VTI1A: variants seen among roughly 807,000 people sequenced by gnomAD.
VTI1A encodes the protein vesicle transport through interaction with t-SNAREs 1A, also known as vesicle transport through interaction with t-SNAREs homolog 1A.
Under a neutral mutation model 34.9 loss-of-function variants are expected in VTI1A, and 22 were observed. The observed-to-expected ratio is 0.63, with a 90% CI of 0.45 to 0.90. The LOEUF is 0.90. Among genes scored for constraint, VTI1A ranks in the 40% least tolerant of loss-of-function variants. The pLI, the probability that VTI1A is intolerant of heterozygous loss-of-function variation, is 0.00. For synonymous variants in VTI1A, 87 were observed against 97.3 expected, an observed-to-expected ratio of 0.89 and a Z score of 0.62; for missense variants, 268 against 275.6, an observed-to-expected ratio of 0.97 and a Z score of 0.20.
chr10:112,650,142 A>G (rs1846952942), intron 5 of VTI1A, among the ~76,000 whole-genome samples: 1 of 152,250 alleles, frequency 6.6e-6, no homozygotes, highest in Non-Finnish European at 1.5e-5. Flanking sequence ...AATAACGCTT[A>G]GCTTAAAACA....
intron 3 of VTI1A, among the ~76,000 whole-genome samples, chr10:112,482,182 AT>A (rs1227568323): frequency 3.9e-5 from 6 of 152,052 alleles, no homozygotes; most frequent in Non-Finnish European, 1.5e-5. Context: ...AATAATTGTT[AT>A]TTTCTCAGTT....
chr10:112,756,020 T>C (rs1049039768), intron 7 of VTI1A, among the ~76,000 whole-genome samples: 5 of 151,878 alleles, frequency 3.3e-5, no homozygotes, highest in African/African-American at 7.3e-5. Flanking sequence ...CTTTCAAAGA[T>C]ACCCATTTAG....
In VTI1A at chr10:112,447,296, C is replaced by A; in HGVS notation, c.-78C>A. 3 of 1,502,132 alleles carry A rather than the reference C, an allele frequency of 2.0e-6. No individual in the cohort carries two copies. Among genetic ancestry groups the A allele is most frequent in the Non-Finnish European group, 2.7e-6 (3 of 1,108,586 alleles). The allele number at this position is 1,502,132 out of a possible 1,614,324, so 93.1% of individuals were successfully genotyped here. A position where few individuals can be genotyped will look rare whatever the true frequency, so the allele number is the denominator to read the frequency against. ...GGGGGCACCTTCCGGGGTTCCTAAG[C>A]CGCGGGGCCCCTCGCTGCCCCTCGA... On this transcript the variant is annotated 5_prime_UTR_variant, in exon 1 of 8. Coordinates refer to ENST00000393077, the MANE Select transcript of VTI1A (RefSeq NM_145206.4).
intron 7 of VTI1A, among the ~76,000 whole-genome samples, chr10:112,782,159 C>T (rs1022745566): frequency 4.6e-5 from 7 of 152,264 alleles, no homozygotes; most frequent in African/African-American, 9.6e-5. Flanking sequence ...CCTAATTTTA[C>T]TCATCACTGT....
At chr10:112,556,896 C>A (rs1180799990) in intron 5 of VTI1A, among the ~76,000 whole-genome samples, 2 of 151,982 alleles carry the variant, frequency 1.3e-5, no homozygotes, top group Admixed American at 1.3e-4. Flanking sequence ...CTGGCATAAG[C>A]CTTGGAGATA....
intron 7 of VTI1A, among the ~76,000 whole-genome samples, chr10:112,747,687 C>T (rs1342916035): frequency 1.3e-5 from 2 of 152,158 alleles, no homozygotes; most frequent in African/African-American, 2.4e-5. Context: ...TTGATACATG[C>T]TTGATTCTTC....
In VTI1A at chr10:112,680,301, A is replaced by G. The variant is rs114835819; in HGVS notation, c.560+11303A>G. 9.1e-3 allele frequency among the ~76,000 whole-genome samples: 1,379 copies of G among 152,322 alleles called. 23 individuals are homozygous for G. The highest frequency in any genetic ancestry group is 0.032 in the African/African-American group (1,329 of 41,582). On this transcript the variant is annotated intron_variant, in intron 7 of 7. Transcript: ENST00000393077. ...TGGTTTGTAAGACACAGTCACATAT[A>G]TTATTTTTTTAAGTTATTCTTCGTA...
At chr10:112,569,275 A>G (rs1852029257) in intron 5 of VTI1A, among the ~76,000 whole-genome samples, 1 of 152,182 alleles carries the variant, frequency 6.6e-6, no homozygotes, top group African/African-American at 2.4e-5. Context: ...TCTGTGATCC[A>G]GGCATACACT....
At chr10:112,699,784 C>T (rs1427449214) in intron 7 of VTI1A, among the ~76,000 whole-genome samples, 21 of 148,192 alleles carry the variant, frequency 1.4e-4, no homozygotes, top group African/African-American at 4.5e-4. Context: ...GCTGAGATCG[C>T]GCCATTGCAC....
chr10:112,745,434 ACCTCCAGTGTCGAGTGCTCTC>A (rs1850861448), intron 7 of VTI1A, among the ~76,000 whole-genome samples: 1 of 151,732 alleles, frequency 6.6e-6, no homozygotes, highest in Non-Finnish European at 1.5e-5. Context: ...CCACCCACGT[ACCTCCAGTGTCGAGTGCTCTC>A]ACTATGTTCA....
At position 112,803,967 on chromosome 10, in the gene VTI1A, C is replaced by G. The variant is rs570034350; in HGVS notation, c.561-11323C>G. On this transcript the variant is annotated intron_variant, in intron 7 of 7. Transcript: ENST00000393077. ...TCTGGGAGTCTGCAGCCAGCAAAGC[C>G]GCTCTGCAGGCCCCCTGCCATTGTC... 2.0e-5 allele frequency among the ~76,000 whole-genome samples: 3 copies of G among 152,320 alleles called. No homozygotes were observed. The South Asian group carries it at 6.2e-4, about 32-fold the overall frequency.
chr10:112,659,684 C>T (rs1483475851), intron 5 of VTI1A, among the ~76,000 whole-genome samples: 1 of 152,174 alleles, frequency 6.6e-6, no homozygotes, highest in African/African-American at 2.4e-5. Flanking sequence ...AACATAATTG[C>T]TTAAACACAA....
rs143596981 is a variant in VTI1A at position 112,658,244 on chromosome 10, C to T, written c.428-9974C>T. ...CTGATACCACAGGCATGCCCCACCA[C>T]GCCCAGCTAATTTTTACTTTTTTAA... is the stretch of plus-strand genomic sequence containing the variant. On this transcript the variant is annotated intron_variant, in intron 5 of 7. Transcript: ENST00000393077. 1.0e-3 allele frequency among the ~76,000 whole-genome samples: 153 copies of T among 152,144 alleles called. 1 individual carries two copies. The highest frequency in any genetic ancestry group is 3.6e-3 in the African/African-American group (148 of 41,518).
chr10:112,796,209 G>T (rs1852668108), intron 7 of VTI1A, among the ~76,000 whole-genome samples: 1 of 152,064 alleles, frequency 6.6e-6, no homozygotes, highest in South Asian at 2.1e-4. Flanking sequence ...GACCAGCCTG[G>T]CCAACACGAT....
chr10:112,607,886 GT>G (rs1845145662), intron 5 of VTI1A, among the ~76,000 whole-genome samples: 1 of 152,226 alleles, frequency 6.6e-6, no homozygotes. Context: ...CCATAAGTGA[GT>G]GTTCTCACAA....
chr10:112,796,926 T>C (rs545265531), intron 7 of VTI1A, among the ~76,000 whole-genome samples: 46 of 152,310 alleles, frequency 3.0e-4, no homozygotes, highest in Non-Finnish European at 5.6e-4. Flanking sequence ...TGGAAAATTA[T>C]CTCATGAACT....
chr10:112,621,622 T>G (rs1041592112), intron 5 of VTI1A, among the ~76,000 whole-genome samples: 15 of 152,214 alleles, frequency 9.9e-5, no homozygotes, highest in African/African-American at 3.6e-4. Context: ...CTGTACTACC[T>G]CTTAGATTCA....
At chr10:112,544,644 C>G (rs1369615105) in intron 5 of VTI1A, among the ~76,000 whole-genome samples, 9 of 151,590 alleles carry the variant, frequency 5.9e-5, no homozygotes. Context: ...AAAAGGATAA[C>G]TGATAAAGGC....
At chr10:112,520,430 A>G (rs17129833) in intron 3 of VTI1A, among the ~76,000 whole-genome samples, 3,587 of 152,146 alleles carry the variant, frequency 0.024, 74 homozygotes, top group East Asian at 0.085. Context: ...ATTACAGGCT[A>G]AAGTTTAGAA....
Sources: allele counts gnomAD v4.1 joint callset (sites outside exome capture counted in the v4.1 genomes callset), GRCh38; gene constraint gnomAD v4.1.1; transcripts MANE v1.5; gene names NCBI Gene and HGNC (gene_info 2026-07-23, HGNC 2026-07-21).